TEC: variants seen among roughly 807,000 people sequenced by gnomAD.
TEC encodes tec protein tyrosine kinase.
A neutral mutation model predicts 93.0 loss-of-function variants in TEC; 72 were observed. That is an observed-to-expected ratio of 0.77 (90% confidence interval 0.64 to 0.94). The LOEUF (loss-of-function observed/expected upper bound fraction) is 0.94. Ranked by LOEUF, TEC falls within the 40% of genes least tolerant of loss-of-function variation. The pLI, the probability that TEC is intolerant of heterozygous loss-of-function variation, is 0.00. For missense variants in TEC, 630 were observed against 757.9 expected (o/e 0.83, Z 1.98); for synonymous variants, 249 against 247.7 (o/e 1.01, Z -0.05).
At chr4:48,241,267 T>C (rs1451810146) in intron 1 of TEC, among the ~76,000 whole-genome samples, 1 of 152,004 alleles carries the variant, frequency 6.6e-6, no homozygotes, top group Non-Finnish European at 1.5e-5. Context: ...CATGGGTCTA[T>C]GTCACCTCCC....
chr4:48,244,232 C>T (rs1190387555), intron 1 of TEC, among the ~76,000 whole-genome samples: 1 of 152,152 alleles, frequency 6.6e-6, no homozygotes, highest in Non-Finnish European at 1.5e-5. Context: ...AAACTAAAAC[C>T]CTGTATTACT....
rs1213280873 is a variant in TEC, at chr4:48,150,891, T to G, written c.844A>C (p.Thr282Pro). 6.3e-7 allele frequency: 1 copy of G among 1,579,274 alleles called. No homozygotes were observed. Among genetic ancestry groups the G allele is most frequent in the East Asian group, 2.3e-5 (1 of 44,116 alleles). The part of the protein sequence containing the change: ...VRDSSQPGLY[T>P]VSLYTKFGGE... ...CCAAACTTGGTATAAAGGGAGACTG[T>G]GTACAAGCCTGGTTGACTGGAATCC... Residue 282 changes from threonine to proline, a missense_variant, in exon 10 of 18, where the codon ACA becomes CCA. Transcript: ENST00000381501.
chr4:48,141,259 T>C (rs1344298553), intron 15 of TEC, 96 bp downstream of exon 15: 2 of 1,060,754 alleles, frequency 1.9e-6, no homozygotes, highest in Non-Finnish European at 2.9e-6. Flanking sequence ...TTAACAAGAT[T>C]TCCTTTCTGC....
At position 48,167,950 on chromosome 4, in the gene TEC, T is replaced by G. The variant is rs1291754655; in HGVS notation, c.499A>C (p.Arg167=). The change falls in exon 7 of 18, where the codon AGG becomes CGG. Residue 167 remains arginine, a synonymous_variant. Transcript: ENST00000381501. ...TCTAGTGGAATTGGTGGGGGAGGCCTTCGCTAGACAAGGAAGATAACATTT... is the reference window on the plus strand; with the variant it reads ...TCTAGTGGAATTGGTGGGGGAGGCCGTCGCTAGACAAGGAAGATAACATTT... ...LPPAPETKKR[R]PPPPIPLEEE... 1 of 1,613,660 alleles carries G rather than the reference T, an allele frequency of 6.2e-7. No individual in the cohort carries two copies. Among genetic ancestry groups the G allele is most frequent in the South Asian group, 1.1e-5 (1 of 91,054 alleles).
At chr4:48,174,925 G>A (rs965754478) in intron 3 of TEC, among the ~76,000 whole-genome samples, 4 of 152,122 alleles carry the variant, frequency 2.6e-5, no homozygotes, top group African/African-American at 9.7e-5. Context: ...ACAACCCCAT[G>A]AAATGAGTAC....
At chr4:48,167,653 TG>T (rs2109541846) in intron 7 of TEC, 124 bp downstream of exon 7, 2 of 826,346 alleles carry the variant, frequency 2.4e-6, no homozygotes, top group East Asian at 5.0e-5. Flanking sequence ...AGTAATAAGG[TG>T]TGCTTCCATT....
At chr4:48,152,435 C>CATAAATAAATAAATAA (rs3062030) in intron 9 of TEC, among the ~76,000 whole-genome samples, 1 of 149,624 alleles carries the variant, frequency 6.7e-6, no homozygotes, top group South Asian at 2.1e-4. Context: ...GAGATACTAT[C>CATAAATAAATAAATAA]ATAAATAAAT....
Position 48,156,675 on chromosome 4 carries a change from C to T in TEC, c.792+5G>A. 2 of 1,609,912 alleles carry T rather than the reference C, an allele frequency of 1.2e-6. No individual in the cohort carries two copies. Among genetic ancestry groups the T allele is most frequent in the Non-Finnish European group, 1.7e-6 (2 of 1,178,822 alleles). ...TAAGCCAAACCCACAAGTACAAACA[C>T]TTACTTCACTGCGGAGGAGTTGCTC... On this transcript the variant is annotated splice_donor_5th_base_variant and intron_variant, in intron 9 of 17. Coordinates refer to ENST00000381501, the MANE Select transcript of TEC (RefSeq NM_003215.3).
chr4:48,179,376 A>ATATATATATATATT (rs1560393438), intron 2 of TEC, among the ~76,000 whole-genome samples: 1 of 21,166 alleles, frequency 4.7e-5, no homozygotes, highest in Non-Finnish European at 8.4e-5. Context: ...ATATATATAT[A>ATATATATATATATT]TTTTTTTTTT....
chr4:48,190,858 G>T (rs186920085), intron 2 of TEC, among the ~76,000 whole-genome samples: 1 of 152,320 alleles, frequency 6.6e-6, no homozygotes, highest in Admixed American at 6.5e-5. Context: ...GTTTAAAACT[G>T]ATGAAGAACT....
chr4:48,263,547 C>T (rs1209245482), intron 1 of TEC, among the ~76,000 whole-genome samples: 5 of 152,252 alleles, frequency 3.3e-5, no homozygotes, highest in African/African-American at 1.2e-4. Flanking sequence ...AACCCTGTCT[C>T]TACTAAAAAT....
Position 48,249,161 on chromosome 4 carries a change from C to T in TEC, c.-45-20502G>A, listed in dbSNP as rs547752358. On this transcript the variant is annotated intron_variant, in intron 1 of 17. Coordinates refer to ENST00000381501, the MANE Select transcript of TEC (RefSeq NM_003215.3). ...GATAATGAAAGATATTACAAAATGT[C>T]TTCAACAGCAGTTTGGGCAGAAATC... Among the ~76,000 whole-genome samples, 36 of 152,290 alleles carry T rather than the reference C, an allele frequency of 2.4e-4. No individual in the cohort carries two copies. The South Asian group carries it at 6.8e-3, about 29-fold the overall frequency.
intron 2 of TEC, among the ~76,000 whole-genome samples, chr4:48,219,964 G>A (rs73246005): frequency 0.03 from 4,547 of 151,978 alleles, 93 homozygotes; most frequent in Non-Finnish European, 0.039. Flanking sequence ...TGGCATTTTG[G>A]GAAGAGCACT....
Position 48,236,622 on chromosome 4 carries a change from C to A in TEC, c.-45-7963G>T, listed in dbSNP as rs567748640. On this transcript the variant is annotated intron_variant, in intron 1 of 17. Transcript: ENST00000381501. Reference sequence around the variant, plus strand: ...AAATAAAACTCGACTGCAACATAAACCCCTTTTCTATCTCATTGGAGTTGA... The same window carrying A: ...AAATAAAACTCGACTGCAACATAAAACCCTTTTCTATCTCATTGGAGTTGA... 7.5e-4 allele frequency among the ~76,000 whole-genome samples: 114 copies of A among 152,288 alleles called. No homozygotes were observed. In the Middle Eastern group the frequency reaches 0.01, roughly 14 times the overall value.
intron 14 of TEC, among the ~76,000 whole-genome samples, chr4:48,142,780 A>G (rs945293444): frequency 6.6e-6 from 1 of 152,036 alleles, no homozygotes; most frequent in East Asian, 1.9e-4. Context: ...TCCTGGGTTC[A>G]AGTGATTCTT....
chr4:48,233,341 T>C (rs1186027083), intron 1 of TEC, among the ~76,000 whole-genome samples: 6 of 56,754 alleles, frequency 1.1e-4, no homozygotes, highest in African/African-American at 2.2e-4. Context: ...CAATTGACAC[T>C]TTTTTTTTTT....
At chr4:48,256,765 TTA>T (rs1724358094) in intron 1 of TEC, among the ~76,000 whole-genome samples, 1 of 152,104 alleles carries the variant, frequency 6.6e-6, no homozygotes, top group Non-Finnish European at 1.5e-5. Flanking sequence ...AACCTGCACA[TTA>T]TATATAGCAG....
rs151296322 is a variant in TEC, at chr4:48,155,286, T to C, written c.792+1394A>G. 2.8e-3 allele frequency among the ~76,000 whole-genome samples: 433 copies of C among 152,332 alleles called. 4 individuals carry two copies. The highest frequency in any genetic ancestry group is 0.01 in the African/African-American group (418 of 41,584). On this transcript the variant is annotated intron_variant, in intron 9 of 17. Transcript: ENST00000381501. Reference sequence around the variant, plus strand: ...GCATGTAAATCTGCCTTTCAAGCAATATTAATTGGACATGATAAATGGGAG... The same window carrying C: ...GCATGTAAATCTGCCTTTCAAGCAACATTAATTGGACATGATAAATGGGAG...
intron 1 of TEC, among the ~76,000 whole-genome samples, chr4:48,243,441 A>AG (rs1723972066): frequency 6.6e-6 from 1 of 152,246 alleles, no homozygotes; most frequent in Non-Finnish European, 1.5e-5. Context: ...GAAGTAAGAG[A>AG]AATGCACATA....
Sources: allele counts gnomAD v4.1 joint callset (sites outside exome capture counted in the v4.1 genomes callset), GRCh38; gene constraint gnomAD v4.1.1; transcripts MANE v1.5; gene names NCBI Gene and HGNC (gene_info 2026-07-23, HGNC 2026-07-21).